The following PBX1 variants were observed in gnomAD, a reference collection of about 807,000 sequenced individuals.
PBX1 encodes the protein pre-B-cell leukemia transcription factor 1.
A neutral mutation model predicts 53.4 loss-of-function variants in PBX1; 6 were observed. That is an observed-to-expected ratio of 0.11 (90% confidence interval 0.06 to 0.22). The LOEUF (loss-of-function observed/expected upper bound fraction) is 0.22. Ranked by LOEUF, PBX1 falls within the 10% of genes least tolerant of loss-of-function variation. The pLI, the probability that PBX1 is intolerant of heterozygous loss-of-function variation, is 1.00. For synonymous variants in PBX1, 204 were observed against 212.3 expected (o/e 0.96, Z 0.34); for missense variants, 251 against 551.4 (o/e 0.46, Z 5.46).
chr1:164,614,357 C>T (rs528473830), intron 2 of PBX1, among the ~76,000 whole-genome samples: 1 of 152,294 alleles, frequency 6.6e-6, no homozygotes, highest in Admixed American at 6.5e-5. Flanking sequence ...GCCGGTAGTT[C>T]TAAAGTATCT....
chr1:164,771,071 T>C (rs1308147026), intron 2 of PBX1: 1 of 152,106 alleles, frequency 6.6e-6, no homozygotes, highest in African/African-American at 2.4e-5. Context: ...ACCTTGAAGA[T>C]ATGGAATACT....
At chr1:164,871,427 A>C (rs1672380045) in intron 2 of PBX1, among the ~76,000 whole-genome samples, 1 of 152,232 alleles carries the variant, frequency 6.6e-6, no homozygotes, top group African/African-American at 2.4e-5. Flanking sequence ...ATAAATGTGA[A>C]GCAGGTTGGC....
chr1:164,571,891 A>G (rs1440845967), intron 2 of PBX1, among the ~76,000 whole-genome samples: 1 of 115,152 alleles, frequency 8.7e-6, no homozygotes, highest in African/African-American at 3.2e-5. Context: ...ATATATATAT[A>G]TATATATATA....
chr1:164,795,611 G>C (rs1668740456), intron 3 of PBX1, among the ~76,000 whole-genome samples: 1 of 152,252 alleles, frequency 6.6e-6, no homozygotes, highest in East Asian at 1.9e-4. Flanking sequence ...AGTGAATACT[G>C]CTTAATACAT....
chr1:164,746,652 C>A (rs1053206488), intron 2 of PBX1, among the ~76,000 whole-genome samples: 1 of 152,232 alleles, frequency 6.6e-6, no homozygotes, highest in Non-Finnish European at 1.5e-5. Flanking sequence ...TCGTGATCCA[C>A]CCGCCTCAGC....
At chr1:164,614,930 C>T (rs755271075) in intron 2 of PBX1, among the ~76,000 whole-genome samples, 4 of 152,232 alleles carry the variant, frequency 2.6e-5, no homozygotes, top group East Asian at 1.9e-4. Flanking sequence ...CCTGTCACCA[C>T]GCCTGGCTAA....
In PBX1 at chr1:164,699,293, T is replaced by C. The variant is rs184491095; in HGVS notation, c.266-93201T>C. On this transcript the variant is annotated intron_variant, in intron 2 of 8. Coordinates refer to ENST00000420696, the MANE Select transcript of PBX1 (RefSeq NM_002585.4). ...GAAAATGATGAAAATACAAATAGTT[T>C]TGGTAAAGCTCCAGTAACAGGGAGC... Among the ~76,000 whole-genome samples the C allele has an allele frequency of 2.2e-3, 342 of 152,304 alleles. 4 individuals carry two copies. The highest frequency in any genetic ancestry group is 6.8e-3 in the African/African-American group (283 of 41,568).
chr1:164,711,150 G>A (rs1004687441), intron 2 of PBX1, among the ~76,000 whole-genome samples: 5 of 152,302 alleles, frequency 3.3e-5, no homozygotes, highest in African/African-American at 9.6e-5. Flanking sequence ...AGAACAGGGT[G>A]GCTGCTGACT....
At chr1:164,643,872 A>T (rs1217542537) in intron 2 of PBX1, among the ~76,000 whole-genome samples, 1 of 152,172 alleles carries the variant, frequency 6.6e-6, no homozygotes, top group African/African-American at 2.4e-5. Flanking sequence ...GTACAAAATC[A>T]CTGTGGTCTG....
chr1:164,845,484 G>A (rs1471227704), intron 8 of PBX1, among the ~76,000 whole-genome samples: 1 of 152,158 alleles, frequency 6.6e-6, no homozygotes, highest in Non-Finnish European at 1.5e-5. Context: ...GACCTGATCT[G>A]TTCAACGTGA....
At chr1:164,875,780 C>T (rs953094967) in intron 2 of PBX1, among the ~76,000 whole-genome samples, 4 of 151,844 alleles carry the variant, frequency 2.6e-5, no homozygotes, top group African/African-American at 9.7e-5. Context: ...GTGAAGGGCA[C>T]ATTTGCATGA....
intron 2 of PBX1, among the ~76,000 whole-genome samples, chr1:164,660,999 A>G (rs1298983799): frequency 6.6e-6 from 1 of 152,196 alleles, no homozygotes. Flanking sequence ...TTGCCAGCTG[A>G]TCACAGCTGA....
intron 8 of PBX1, among the ~76,000 whole-genome samples, chr1:164,830,472 G>A (rs1332032419): frequency 6.6e-6 from 1 of 152,084 alleles, no homozygotes; most frequent in Non-Finnish European, 1.5e-5. Context: ...TATACAAGAA[G>A]TGAACTCTGG....
intron 6 of PBX1, chr1:164,817,456 G>A (rs1669926799): frequency 6.6e-6 from 1 of 152,228 alleles, no homozygotes; most frequent in South Asian, 2.1e-4. Context: ...AGCACAGTCA[G>A]TGCTTCTAGA....
At chr1:164,749,994 G>A (rs1370525486) in intron 2 of PBX1, among the ~76,000 whole-genome samples, 1 of 152,110 alleles carries the variant, frequency 6.6e-6, no homozygotes, top group Non-Finnish European at 1.5e-5. Context: ...CAGCTACTTG[G>A]GAGGCTGAGG....
chr1:164,589,204 A>G (rs1484570149), intron 2 of PBX1, among the ~76,000 whole-genome samples: 1 of 151,916 alleles, frequency 6.6e-6, no homozygotes, highest in African/African-American at 2.4e-5. Context: ...CCGGGCCCTT[A>G]ACAACCACTG....
chr1:164,775,118 G>C (rs1346069008), intron 2 of PBX1, among the ~76,000 whole-genome samples: 1 of 152,178 alleles, frequency 6.6e-6, no homozygotes, highest in Admixed American at 6.5e-5. Context: ...ATCTGGGAGG[G>C]GTGAGAAGTG....
At chr1:164,640,863 T>G (rs1343118067) in intron 2 of PBX1, among the ~76,000 whole-genome samples, 1 of 152,170 alleles carries the variant, frequency 6.6e-6, no homozygotes. Flanking sequence ...GGCCGGTTCC[T>G]TGTGTCTTAA....
chr1:164,614,341 T>C (rs1021024851), intron 2 of PBX1, among the ~76,000 whole-genome samples: 3 of 152,206 alleles, frequency 2.0e-5, no homozygotes, highest in Non-Finnish European at 4.4e-5. Flanking sequence ...AGCCAGATTT[T>C]AGGATGCCGG....
Sources: allele counts gnomAD v4.1 joint callset (sites outside exome capture counted in the v4.1 genomes callset), GRCh38; gene constraint gnomAD v4.1.1; transcripts MANE v1.5; gene names NCBI Gene and HGNC (gene_info 2026-07-23, HGNC 2026-07-21).